CCSER2: variants seen among roughly 807,000 people sequenced by gnomAD.
CCSER2 encodes the protein coiled-coil serine rich protein 2, also known as serine-rich coiled-coil domain-containing protein 2.
A neutral mutation model predicts 92.3 loss-of-function variants in CCSER2; 46 were observed. The ratio of observed to expected loss-of-function variants is 0.50; its 90% CI spans 0.39 to 0.64. CCSER2 has a LOEUF of 0.64. Among genes scored for constraint, CCSER2 ranks in the 30% least tolerant of loss-of-function variants. The pLI is 0.00. For missense variants in CCSER2, 1,244 were observed against 1,238.9 expected (o/e 1.00, Z -0.06); for synonymous variants, 433 against 431.4 (o/e 1.00, Z -0.04).
chr10:84,438,864 A>G (rs1267822481), intron 6 of CCSER2, among the ~76,000 whole-genome samples, 157 bp downstream of exon 6: 1 of 152,188 alleles, frequency 6.6e-6, no homozygotes, highest in Non-Finnish European at 1.5e-5. Context: ...AGTTTTGTGG[A>G]AAAAACCTGT....
rs1409374299 is a variant in CCSER2 at position 84,423,544 on chromosome 10, C to T, written c.1706-2187C>T. On this transcript the variant is annotated intron_variant, in intron 4 of 9. Transcript: ENST00000372088. ...TAACCCATCTCCTGGCCTATTCGCCCGATTTGCTTGCTTCTTCCTCTGTGT... is the reference window on the plus strand; with the variant it reads ...TAACCCATCTCCTGGCCTATTCGCCTGATTTGCTTGCTTCTTCCTCTGTGT... Among the ~76,000 whole-genome samples, 6 of 152,244 alleles carry T rather than the reference C, an allele frequency of 3.9e-5. No individual in the cohort carries two copies. The South Asian group carries it at 8.3e-4, about 21-fold the overall frequency.
chr10:84,406,849 C>G (rs1023857074), intron 3 of CCSER2, among the ~76,000 whole-genome samples: 1 of 152,064 alleles, frequency 6.6e-6, no homozygotes, highest in Admixed American at 6.6e-5. Flanking sequence ...CAGTTTCTAC[C>G]CTGTGCAGAT....
chr10:84,423,197 T>G (rs1447660323), intron 4 of CCSER2, among the ~76,000 whole-genome samples: 3 of 152,230 alleles, frequency 2.0e-5, no homozygotes, highest in African/African-American at 7.2e-5. Context: ...GCAGTGTTAT[T>G]CCACATTATC....
At chr10:84,430,253 T>G (rs1270975637) in intron 5 of CCSER2, among the ~76,000 whole-genome samples, 1 of 152,136 alleles carries the variant, frequency 6.6e-6, no homozygotes, top group Non-Finnish European at 1.5e-5. Context: ...CAGCCAAAGG[T>G]GGAAGATTAG....
chr10:84,452,773 A>G (rs1271618502), intron 6 of CCSER2, among the ~76,000 whole-genome samples: 1 of 152,150 alleles, frequency 6.6e-6, no homozygotes, highest in Non-Finnish European at 1.5e-5. Context: ...GAATGCATGA[A>G]GTTATTTCTT....
At chr10:84,414,488 T>C (rs1164223435) in intron 3 of CCSER2, among the ~76,000 whole-genome samples, 1 of 152,234 alleles carries the variant, frequency 6.6e-6, no homozygotes, top group African/African-American at 2.4e-5. Context: ...CAACTTCTTC[T>C]GGCTTGTAGG....
At chr10:84,441,651 G>A (rs1285506252) in intron 6 of CCSER2, among the ~76,000 whole-genome samples, 1 of 148,428 alleles carries the variant, frequency 6.7e-6, no homozygotes, top group Non-Finnish European at 1.5e-5. Context: ...ACTGAGTGAA[G>A]GTTTTTTCCT....
intron 3 of CCSER2, among the ~76,000 whole-genome samples, chr10:84,384,624 A>G (rs1046201461): frequency 2.0e-5 from 3 of 152,166 alleles, no homozygotes; most frequent in Admixed American, 6.5e-5. Context: ...ACATACCTGA[A>G]AATAATAAGA....
chr10:84,489,587 G>C (rs1394842671), intron 9 of CCSER2, among the ~76,000 whole-genome samples: 1 of 151,996 alleles, frequency 6.6e-6, no homozygotes, highest in South Asian at 2.1e-4. Flanking sequence ...TTTTCCATTT[G>C]CTTGGTAGAT....
At chr10:84,447,150 A>G (rs1197409571) in intron 6 of CCSER2, among the ~76,000 whole-genome samples, 2 of 152,188 alleles carry the variant, frequency 1.3e-5, no homozygotes, top group Non-Finnish European at 2.9e-5. Flanking sequence ...AAGCATGGAA[A>G]TAGTTTACCC....
At chr10:84,504,688 A>G (rs1848952573) in intron 9 of CCSER2, among the ~76,000 whole-genome samples, 1 of 152,196 alleles carries the variant, frequency 6.6e-6, no homozygotes, top group Non-Finnish European at 1.5e-5. Flanking sequence ...ACATTTTAAG[A>G]AAGGGGAAAA....
intron 9 of CCSER2, among the ~76,000 whole-genome samples, chr10:84,494,183 G>T (rs1392873810): frequency 1.3e-5 from 2 of 152,196 alleles, no homozygotes; most frequent in South Asian, 4.1e-4. Context: ...GATTGGTACT[G>T]GTCCGTGGCC....
intron 5 of CCSER2, among the ~76,000 whole-genome samples, chr10:84,431,122 T>C (rs1055592529): frequency 2.6e-5 from 4 of 152,058 alleles, no homozygotes; most frequent in African/African-American, 7.2e-5. Context: ...TATTTTATTA[T>C]TAACTAAAAT....
intron 7 of CCSER2, among the ~76,000 whole-genome samples, chr10:84,466,490 C>CT (rs1354781532): frequency 2.0e-5 from 3 of 148,870 alleles, no homozygotes; most frequent in Non-Finnish European, 4.5e-5. Flanking sequence ...TTCTTGCTTT[C>CT]TTTTTTTTGT....
At position 84,371,262 on chromosome 10, in the gene CCSER2, T is replaced by C; in HGVS notation, c.210T>C (p.Asn70=). 1 of 1,613,140 alleles carries C rather than the reference T, an allele frequency of 6.2e-7. No individual in the cohort carries two copies. The highest frequency in any genetic ancestry group is 8.5e-7 in the Non-Finnish European group (1 of 1,179,578). The change falls in exon 2 of 10, where the codon AAT becomes AAC. Residue 70 remains asparagine, a synonymous_variant. Transcript: ENST00000372088. ...ATTCATTTAATTGGAGGAAAGCAAATAAATATCAGCTTTGTGCACAAGGTG... is the reference window on the plus strand; with the variant it reads ...ATTCATTTAATTGGAGGAAAGCAAACAAATATCAGCTTTGTGCACAAGGTG... The part of the protein sequence containing the change: ...SSHSFNWRKA[N]KYQLCAQGVE...
At chr10:84,356,519 A>G (rs1259359595) in intron 1 of CCSER2, among the ~76,000 whole-genome samples, 1 of 152,180 alleles carries the variant, frequency 6.6e-6, no homozygotes, top group Non-Finnish European at 1.5e-5. Context: ...TTCTTTTGTA[A>G]TTTAGTATTT....
At chr10:84,432,778 C>G (rs1250297092) in intron 5 of CCSER2, among the ~76,000 whole-genome samples, 1 of 152,056 alleles carries the variant, frequency 6.6e-6, no homozygotes, top group Non-Finnish European at 1.5e-5. Flanking sequence ...CATGTTATAT[C>G]CAAAAAACTC....
intron 5 of CCSER2, among the ~76,000 whole-genome samples, chr10:84,431,613 G>T (rs184787585): frequency 1.3e-5 from 2 of 152,132 alleles, no homozygotes; most frequent in Non-Finnish European, 2.9e-5. Context: ...GTGGTGGCAC[G>T]TGTCTATAGT....
At chr10:84,498,094 C>T (rs1263971849) in intron 9 of CCSER2, among the ~76,000 whole-genome samples, 2 of 152,180 alleles carry the variant, frequency 1.3e-5, no homozygotes, top group Admixed American at 6.5e-5. Context: ...GTAAACATAC[C>T]TCTTTGGTGA....
Sources: gnomAD v4.1 joint callset for allele counts (sites outside exome capture counted in the v4.1 genomes callset) on GRCh38, gnomAD v4.1.1 for gene constraint, MANE v1.5 for transcripts, NCBI Gene and HGNC (gene_info 2026-07-23, HGNC 2026-07-21) for gene names.